The following EIF4G3 variants were observed in gnomAD, a reference collection of about 807,000 sequenced individuals.
EIF4G3 encodes the protein eIF-4-gamma 3.
EIF4G3 carries 34 observed loss-of-function variants against 186.4 expected under a neutral mutation model. The observed-to-expected ratio is 0.18, with a 90% CI of 0.14 to 0.24. The LOEUF is 0.24. Ranked by LOEUF, EIF4G3 falls within the 10% of genes least tolerant of loss-of-function variation. The pLI is 1.00. For missense variants in EIF4G3, 1,536 were observed against 1,948.5 expected (o/e 0.79, Z 3.99); for synonymous variants, 673 against 679.5 (o/e 0.99, Z 0.15).
At chr1:20,833,091 C>T (rs1260880602) in intron 30 of EIF4G3, among the ~76,000 whole-genome samples, 25 of 106,816 alleles carry the variant, frequency 2.3e-4, no homozygotes, top group Admixed American at 4.4e-4. Flanking sequence ...CTTGGCGATG[C>T]GGGCTCTTTT....
chr1:20,829,262 T>C lies in EIF4G3; in HGVS notation c.4072A>G (p.Thr1358Ala), dbSNP rs747496059. 1.2e-6 allele frequency: 2 copies of C among 1,613,024 alleles called. No homozygotes were observed. Among genetic ancestry groups the C allele is most frequent in the South Asian group, 2.2e-5 (2 of 90,682 alleles). Residue 1358 changes from threonine to alanine, a missense_variant, in exon 31 of 37, where the codon ACT becomes GCT. Physicochemically the swap from Thr to Ala is moderately conservative, Grantham distance 58. This residue lies in a region of EIF4G3 where 395 missense variants were observed against 498.9 expected (regional missense o/e 0.79). Transcript: ENST00000602326. The part of the protein sequence containing the change: ...KQDFFKGFSE[T>A]LELADDMAID... ...GCCATGTCATCTGCCAATTCCAAAG[T>C]TTCTGAAAAACTGAAAAGGAACAGG...
At chr1:21,128,378 C>T (rs1045915726) in intron 2 of EIF4G3, among the ~76,000 whole-genome samples, 11 of 151,208 alleles carry the variant, frequency 7.3e-5, no homozygotes, top group Admixed American at 4.6e-4. Flanking sequence ...GGTGTAGTGG[C>T]GGGTGCCTGT....
At chr1:20,858,821 C>A (rs969810951) in intron 24 of EIF4G3, among the ~76,000 whole-genome samples, 20 of 152,034 alleles carry the variant, frequency 1.3e-4, no homozygotes, top group African/African-American at 4.8e-4. Flanking sequence ...ATGGTGAAAC[C>A]CTGTCTCTAC....
At chr1:21,136,590 T>C (rs1168626547) in intron 2 of EIF4G3, among the ~76,000 whole-genome samples, 1 of 151,738 alleles carries the variant, frequency 6.6e-6, no homozygotes, top group Non-Finnish European at 1.5e-5. Context: ...TGGGAAAAAC[T>C]GATAAATAAT....
rs537770919 is a variant in EIF4G3 at position 21,025,241 on chromosome 1, G to A, written c.-66-22433C>T. On this transcript the variant is annotated intron_variant, in intron 4 of 36. Transcript: ENST00000602326. ...TAGATTAGGGCCAGACTAAAAAGAC[G>A]GGTCAAGTAAGGACTTCGCCATGAA... Among the ~76,000 whole-genome samples the A allele has an allele frequency of 1.8e-4, 27 of 152,272 alleles. No individual in the cohort carries two copies. The South Asian group carries it at 2.9e-3, about 16-fold the overall frequency.
chr1:21,083,029 C>G (rs1305233082), intron 3 of EIF4G3, among the ~76,000 whole-genome samples: 1 of 91,406 alleles, frequency 1.1e-5, no homozygotes, highest in Non-Finnish European at 1.9e-5. Context: ...CACAGCGAGA[C>G]TCTGTCTCAA....
At chr1:20,839,726 T>C (rs2067903910) in intron 30 of EIF4G3, among the ~76,000 whole-genome samples, 1 of 151,794 alleles carries the variant, frequency 6.6e-6, no homozygotes, top group African/African-American at 2.4e-5. Flanking sequence ...TGATCTCAAG[T>C]GATCCACCCG....
chr1:20,982,359 G>C (rs1400536375), intron 8 of EIF4G3, 29 bp downstream of exon 8: 2 of 1,498,222 alleles, frequency 1.3e-6, no homozygotes, highest in East Asian at 5.1e-5. Context: ...GAGTTATAAA[G>C]AGGCCATGCA....
intron 2 of EIF4G3, among the ~76,000 whole-genome samples, chr1:21,125,760 T>TAA (rs1553267295): frequency 8.7e-6 from 1 of 115,458 alleles, no homozygotes; most frequent in African/African-American, 3.5e-5. Flanking sequence ...TATAATTTTT[T>TAA]TATATATATA....
At chr1:21,076,714 G>A (rs1478526574) in intron 3 of EIF4G3, among the ~76,000 whole-genome samples, 1 of 152,062 alleles carries the variant, frequency 6.6e-6, no homozygotes, top group African/African-American at 2.4e-5. Context: ...TCAATCAACA[G>A]TGCTGGGAAA....
intron 14 of EIF4G3, among the ~76,000 whole-genome samples, chr1:20,935,825 T>C (rs1370960756): frequency 6.6e-6 from 1 of 152,244 alleles, no homozygotes; most frequent in Non-Finnish European, 1.5e-5. Context: ...AGAGGTTTTC[T>C]TTAAAAGACT....
intron 2 of EIF4G3, among the ~76,000 whole-genome samples, chr1:21,156,740 C>A (rs2097667962): frequency 6.6e-6 from 1 of 152,086 alleles, no homozygotes; most frequent in Non-Finnish European, 1.5e-5. Flanking sequence ...CTTTTCATTT[C>A]CCTCTAGACA....
chr1:20,822,245 G>A (rs991965494), intron 33 of EIF4G3, among the ~76,000 whole-genome samples: 1 of 151,178 alleles, frequency 6.6e-6, no homozygotes, highest in African/African-American at 2.4e-5. Flanking sequence ...AATCTGTGCT[G>A]ATGTTACCGC....
intron 29 of EIF4G3, among the ~76,000 whole-genome samples, chr1:20,848,249 A>C (rs1409144896): frequency 6.6e-6 from 1 of 152,230 alleles, no homozygotes; most frequent in African/African-American, 2.4e-5. Flanking sequence ...TACAGGCATG[A>C]GTCACTGCAC....
chr1:20,940,952 C>T (rs763934307), intron 14 of EIF4G3, among the ~76,000 whole-genome samples: 29 of 152,222 alleles, frequency 1.9e-4, no homozygotes, highest in South Asian at 4.2e-4. Flanking sequence ...AGTGAGAGAA[C>T]GTTAAGCTTA....
chr1:21,052,447 G>A (rs1296363066), intron 3 of EIF4G3, among the ~76,000 whole-genome samples: 2 of 152,146 alleles, frequency 1.3e-5, no homozygotes, highest in Admixed American at 6.5e-5. Context: ...TCTCAGAATC[G>A]TGTTATTAAA....
chr1:20,853,822 T>G (rs1487927006), intron 26 of EIF4G3, 145 bp from the exon 27 acceptor site: 21 of 616,772 alleles, frequency 3.4e-5, no homozygotes, highest in Non-Finnish European at 5.5e-5. Flanking sequence ...CTCTACCATA[T>G]TCTGAGAAGC....
chr1:21,136,387 G>C (rs938908579), intron 2 of EIF4G3, among the ~76,000 whole-genome samples: 6 of 151,854 alleles, frequency 4.0e-5, no homozygotes, highest in Non-Finnish European at 7.4e-5. Flanking sequence ...CATGGTGGTG[G>C]ATGCCTGTAA....
intron 12 of EIF4G3, among the ~76,000 whole-genome samples, chr1:20,959,462 T>C (rs1417916858): frequency 6.6e-6 from 1 of 151,950 alleles, no homozygotes; most frequent in Non-Finnish European, 1.5e-5. Context: ...AAAACTCTTC[T>C]AGACATCAGC....
Sources: gnomAD v4.1 joint callset for allele counts (sites outside exome capture counted in the v4.1 genomes callset) on GRCh38, gnomAD v4.1.1 for gene constraint, gnomAD v4.1.1 regional missense constraint, MANE v1.5 for transcripts, NCBI Gene and HGNC (gene_info 2026-07-23, HGNC 2026-07-21) for gene names.